The following BEND6 variants were observed in gnomAD, a reference collection of about 807,000 sequenced individuals.
BEND6 encodes BEN domain-containing protein 6.
Under a neutral mutation model 31.8 loss-of-function variants are expected in BEND6, and 24 were observed. The ratio of observed to expected loss-of-function variants is 0.75; its 90% CI spans 0.55 to 1.06. BEND6 has a LOEUF of 1.06. Ranked by LOEUF, BEND6 falls within the 50% of genes least tolerant of loss-of-function variation. The pLI is 0.00. For missense variants in BEND6, 294 were observed against 327.4 expected (o/e 0.90, Z 0.79); for synonymous variants, 109 against 114.6 (o/e 0.95, Z 0.31).
At chr6:56,959,320 A>G (rs146416208) in intron 1 of BEND6, among the ~76,000 whole-genome samples, 1 of 152,340 alleles carries the variant, frequency 6.6e-6, no homozygotes, top group East Asian at 1.9e-4. Context: ...AGGGAAAGAT[A>G]AGGAATGTCT....
intron 3 of BEND6, chr6:57,014,336 T>C: frequency 2.1e-6 from 1 of 466,234 alleles, no homozygotes; most frequent in Non-Finnish European, 3.8e-6. Context: ...TTAAGAAAAG[T>C]ACAAAAAAAG....
At chr6:57,023,133 G>C (rs1827802826) in intron 6 of BEND6, among the ~76,000 whole-genome samples, 1 of 152,088 alleles carries the variant, frequency 6.6e-6, no homozygotes, top group South Asian at 2.1e-4. Flanking sequence ...ATATCAGTTT[G>C]GCCTATGTGA....
At chr6:56,989,822 C>T (rs966887834) in intron 2 of BEND6, among the ~76,000 whole-genome samples, 4 of 152,118 alleles carry the variant, frequency 2.6e-5, no homozygotes, top group African/African-American at 9.7e-5. Flanking sequence ...TGTCACTTAA[C>T]AGTATTGCAA....
chr6:57,010,102 C>T (rs376021039), intron 3 of BEND6: 6 of 152,206 alleles, frequency 3.9e-5, no homozygotes, highest in African/African-American at 1.4e-4. Flanking sequence ...GCATTAAATA[C>T]CACCTGATGG....
chr6:57,004,948 T>A (rs1827099674), intron 3 of BEND6: 2 of 507,016 alleles, frequency 3.9e-6, no homozygotes, highest in Non-Finnish European at 7.1e-6. Flanking sequence ...ATTATATAGT[T>A]GAAAGTCAAT....
chr6:56,957,952 A>G (rs1292400943), intron 1 of BEND6, among the ~76,000 whole-genome samples: 1 of 152,222 alleles, frequency 6.6e-6, no homozygotes, highest in Non-Finnish European at 1.5e-5. Context: ...CAGATTGAAG[A>G]ACACAGCTTA....
At chr6:57,002,375 T>A (rs538134653) in intron 3 of BEND6, among the ~76,000 whole-genome samples, 4 of 152,278 alleles carry the variant, frequency 2.6e-5, no homozygotes, top group Admixed American at 1.3e-4. Context: ...CTAAGAGACA[T>A]CTACAGAATA....
At chr6:56,962,593 C>A (rs904363580) in intron 1 of BEND6, among the ~76,000 whole-genome samples, 1 of 152,220 alleles carries the variant, frequency 6.6e-6, no homozygotes, top group African/African-American at 2.4e-5. Context: ...CTCAGACCCC[C>A]CTCTGGGCCT....
At position 57,015,274 on chromosome 6, in the gene BEND6, C is replaced by T; in HGVS notation, c.440C>T (p.Thr147Ile). The part of the protein sequence containing the change: ...NNSSPDSFAS[T>I]CSNSNSNSSS... ...TCCTCGCCAGATTCATTTGCCTCAACATGCAGTAATTCTAATTCTAACTCC... is the reference window on the plus strand; with the variant it reads ...TCCTCGCCAGATTCATTTGCCTCAATATGCAGTAATTCTAATTCTAACTCC... Residue 147 changes from threonine (T) to isoleucine (I), a missense_variant, in exon 4 of 7, where the codon ACA becomes ATA. By Grantham distance (89) the Thr-to-Ile change is moderately conservative (BLOSUM62 -1). Coordinates refer to ENST00000370746, the MANE Select transcript of BEND6 (RefSeq NM_152731.3). 1.9e-6 allele frequency: 3 copies of T among 1,614,164 alleles called. No individual in the cohort carries two copies. Among genetic ancestry groups the T allele is most frequent in the Non-Finnish European group, 1.7e-6 (2 of 1,180,028 alleles).
intron 2 of BEND6, among the ~76,000 whole-genome samples, chr6:56,983,632 G>A (rs1307908615): frequency 6.6e-6 from 1 of 152,018 alleles, no homozygotes; most frequent in Non-Finnish European, 1.5e-5. Context: ...GTGGCAAATA[G>A]CAAGATCTTG....
At chr6:56,957,170 G>T (rs1346322575) in intron 1 of BEND6, among the ~76,000 whole-genome samples, 1 of 152,176 alleles carries the variant, frequency 6.6e-6, no homozygotes, top group Admixed American at 6.5e-5. Flanking sequence ...TAGCACAACT[G>T]TTATCATCCT....
At chr6:56,981,218 G>A (rs1469413191) in intron 1 of BEND6, among the ~76,000 whole-genome samples, 4 of 152,062 alleles carry the variant, frequency 2.6e-5, no homozygotes, top group Non-Finnish European at 5.9e-5. Context: ...TCTTCAGTTT[G>A]CACCAAGGAA....
At chr6:57,001,002 A>G (rs945069350) in intron 3 of BEND6, among the ~76,000 whole-genome samples, 1 of 152,048 alleles carries the variant, frequency 6.6e-6, no homozygotes, top group African/African-American at 2.4e-5. Flanking sequence ...AAAAAGAAAA[A>G]ACATTTTAGG....
chr6:56,970,264 G>A (rs753812569), intron 1 of BEND6, among the ~76,000 whole-genome samples: 9 of 151,440 alleles, frequency 5.9e-5, no homozygotes, highest in African/African-American at 9.7e-5. Flanking sequence ...GCATGATCTC[G>A]GCTCTCTACA....
chr6:56,993,081 AAAG>A (rs1023791388), intron 3 of BEND6, among the ~76,000 whole-genome samples: 23 of 152,314 alleles, frequency 1.5e-4, no homozygotes, highest in African/African-American at 5.3e-4. Flanking sequence ...GGAAACATAT[AAAG>A]AAGAAAGATC....
At chr6:57,000,095 C>T (rs1352568521) in intron 3 of BEND6, among the ~76,000 whole-genome samples, 1 of 152,066 alleles carries the variant, frequency 6.6e-6, no homozygotes, top group East Asian at 1.9e-4. Context: ...TCCAAAGAGA[C>T]AGCGACCATC....
At chr6:56,978,202 G>C (rs1825956751) in intron 1 of BEND6, among the ~76,000 whole-genome samples, 1 of 151,932 alleles carries the variant, frequency 6.6e-6, no homozygotes, top group Non-Finnish European at 1.5e-5. Flanking sequence ...AGGATCCCTT[G>C]AGCCCAGGAC....
At chr6:56,968,522 C>T (rs1825572668) in intron 1 of BEND6, among the ~76,000 whole-genome samples, 1 of 151,022 alleles carries the variant, frequency 6.6e-6, no homozygotes, top group Non-Finnish European at 1.5e-5. Context: ...TGGATTCTCA[C>T]CATGTTGCTC....
At chr6:57,001,839 T>C (rs939334893) in intron 3 of BEND6, among the ~76,000 whole-genome samples, 2 of 152,186 alleles carry the variant, frequency 1.3e-5, no homozygotes, top group Non-Finnish European at 2.9e-5. Context: ...TGATAGAAAC[T>C]ACAAAGCAGG....
Sources: allele counts gnomAD v4.1 joint callset (sites outside exome capture counted in the v4.1 genomes callset), GRCh38; gene constraint gnomAD v4.1.1; transcripts MANE v1.5; gene names NCBI Gene and HGNC (gene_info 2026-07-23, HGNC 2026-07-21).